Variants in ZNF724 observed in about 807,000 individuals in gnomAD.
ZNF724 encodes the protein zinc finger protein 724 pseudogene.
In ZNF724, 14 loss-of-function variants were observed where a neutral mutation model predicts 29.3. The observed-to-expected ratio is 0.48, with a 90% CI of 0.32 to 0.75. The LOEUF (loss-of-function observed/expected upper bound fraction) is 0.75, where lower values mean the gene tolerates loss of function less well. Ranked by LOEUF, ZNF724 falls within the 30% of genes least tolerant of loss-of-function variation. The pLI is 0.04. For missense variants in ZNF724, 557 were observed against 571.2 expected, an observed-to-expected ratio of 0.98 and a Z score of 0.25; for synonymous variants, 180 against 193.6, an observed-to-expected ratio of 0.93 and a Z score of 0.58.
intron 1 of ZNF724, 25 bp downstream of exon 1, chr19:23,250,215 C>T (rs752319425): frequency 2.6e-5 from 16 of 622,816 alleles, no homozygotes; most frequent in Non-Finnish European, 4.8e-5. Flanking sequence ...CCTCTCTCTC[C>T]GGATGTCGGA....
chr19:23,222,422 T>C lies in ZNF724; in HGVS notation c.1823A>G (p.His608Arg). 8.2e-7 allele frequency: 1 copy of C among 1,220,274 alleles called. No homozygotes were observed. The highest frequency in any genetic ancestry group is 1.2e-5 in the South Asian group (1 of 82,454). The allele number at this position is 1,220,274 out of a possible 1,614,324, so 75.6% of individuals were successfully genotyped here. Residue 608 changes from histidine to arginine, a missense_variant, in exon 4 of 4, where the codon CAC becomes CGC. His to Arg is a conservative substitution (Grantham distance 29, BLOSUM62 0). Transcript: ENST00000418100. The part of the protein sequence containing the change: ...AFNQCSNLTT[H>R]KKIHAVEKSD... ...TTTTTCTACAGCATGAATTTTCTTG[T>C]GTGTAGTAAGGTTTGAGCATTGGTT...
chr19:23,230,496 T>TA (rs35053744), intron 3 of ZNF724, among the ~76,000 whole-genome samples: 129,434 of 152,056 alleles, frequency 0.85, 55,137 homozygotes, highest in South Asian at 0.93. Context: ...AAGACTATAG[T>TA]ATAAAAACAG....
intron 1 of ZNF724, among the ~76,000 whole-genome samples, chr19:23,242,347 G>A (rs1180230593): frequency 6.6e-6 from 1 of 152,076 alleles, no homozygotes; most frequent in Non-Finnish European, 1.5e-5. Flanking sequence ...GGGAGGCTGA[G>A]GCAGGCAGAT....
At chr19:23,233,355 A>G (rs1316296792) in intron 1 of ZNF724, among the ~76,000 whole-genome samples, 1 of 152,238 alleles carries the variant, frequency 6.6e-6, no homozygotes, top group African/African-American at 2.4e-5. Context: ...TTTCTGAGTA[A>G]TAAATGCCAT....
intron 3 of ZNF724, among the ~76,000 whole-genome samples, chr19:23,227,560 A>AAAAAAACAC (rs1555724211): frequency 1.8e-5 from 2 of 111,098 alleles, no homozygotes; most frequent in Non-Finnish European, 4.2e-5. Context: ...CATCTCAAAA[A>AAAAAAACAC]AAAAAAAAAA....
At chr19:23,235,562 C>T (rs34870613) in intron 1 of ZNF724, among the ~76,000 whole-genome samples, 18,158 of 152,146 alleles carry the variant, frequency 0.12, 1,240 homozygotes, top group South Asian at 0.18. Context: ...ATTGTGAGCA[C>T]CAGCTCTAAA....
chr19:23,224,821 G>C (rs1971796253), intron 3 of ZNF724, among the ~76,000 whole-genome samples: 1 of 151,880 alleles, frequency 6.6e-6, no homozygotes, highest in Admixed American at 6.6e-5. Flanking sequence ...CAGGTGTGGT[G>C]GTGGGCACCT....
At chr19:23,238,869 T>G (rs890842475) in intron 1 of ZNF724, among the ~76,000 whole-genome samples, 3 of 152,198 alleles carry the variant, frequency 2.0e-5, no homozygotes, top group Non-Finnish European at 4.4e-5. Context: ...ATCGTGCCAC[T>G]GCACTCCAGC....
intron 3 of ZNF724, 50 bp from the exon 4 acceptor site, chr19:23,224,068 A>G (rs75753298): frequency 1.0e-3 from 633 of 606,832 alleles, no homozygotes; most frequent in Non-Finnish European, 1.7e-3. Flanking sequence ...ACTCAGATAC[A>G]TATTCTTTAC....
chr19:23,224,019 C>T lies in ZNF724; in HGVS notation c.227-1G>A, dbSNP rs1331320105. 1.4e-5 allele frequency: 9 copies of T among 640,524 alleles called. No homozygotes were observed. The highest frequency in any genetic ancestry group is 2.2e-5 in the Non-Finnish European group (8 of 358,298). The allele number at this position is 640,524 out of a possible 1,614,324, so 39.7% of individuals were successfully genotyped here. ...TCTTGGGCAAAATAACAACACATAC[C>T]TGAAAGAAATAAAAATAACAACTTA... is the stretch of plus-strand genomic sequence containing the variant. On this transcript the variant is annotated splice_acceptor_variant, in intron 3 of 3. Transcript: ENST00000418100. LOFTEE classifies it high-confidence loss of function.
At chr19:23,234,474 G>A (rs879176902) in intron 1 of ZNF724, among the ~76,000 whole-genome samples, 6 of 150,508 alleles carry the variant, frequency 4.0e-5, no homozygotes, top group African/African-American at 7.3e-5. Context: ...TTTTTTAGAC[G>A]GTGTTTTGCT....
At chr19:23,237,013 C>T (rs1018453762) in intron 1 of ZNF724, among the ~76,000 whole-genome samples, 1 of 151,966 alleles carries the variant, frequency 6.6e-6, no homozygotes, top group African/African-American at 2.4e-5. Flanking sequence ...CCACCACCCC[C>T]CGCTAATTTT....
At chr19:23,240,081 G>A (rs1972092345) in intron 1 of ZNF724, among the ~76,000 whole-genome samples, 1 of 152,084 alleles carries the variant, frequency 6.6e-6, no homozygotes, top group Non-Finnish European at 1.5e-5. Flanking sequence ...GAAGGCCAAG[G>A]AAGGTGGATC....
chr19:23,246,550 G>A (rs1972239151), intron 1 of ZNF724, among the ~76,000 whole-genome samples: 2 of 151,982 alleles, frequency 1.3e-5, no homozygotes, highest in Non-Finnish European at 2.9e-5. Flanking sequence ...AGGTACGCTG[G>A]AGGCTGAGAG....
At chr19:23,242,416 A>G (rs1421024624) in intron 1 of ZNF724, among the ~76,000 whole-genome samples, 2 of 151,786 alleles carry the variant, frequency 1.3e-5, no homozygotes, top group Non-Finnish European at 1.5e-5. Context: ...CAATTTCTAC[A>G]AAAAAAATAC....
At chr19:23,234,156 G>C (rs544351369) in intron 1 of ZNF724, among the ~76,000 whole-genome samples, 22 of 152,280 alleles carry the variant, frequency 1.4e-4, no homozygotes, top group Admixed American at 1.4e-3. Context: ...CCATCCTTCA[G>C]TGGAAAAGTA....
intron 1 of ZNF724, among the ~76,000 whole-genome samples, chr19:23,241,115 G>C (rs1972116761): frequency 6.6e-6 from 1 of 151,684 alleles, no homozygotes; most frequent in Non-Finnish European, 1.5e-5. Flanking sequence ...AGCTATTGAA[G>C]TTTACTATAG....
At chr19:23,230,042 T>A (rs1971908581) in intron 3 of ZNF724, among the ~76,000 whole-genome samples, 1 of 152,104 alleles carries the variant, frequency 6.6e-6, no homozygotes. Flanking sequence ...ACTCAGTAAA[T>A]TAGCAAAATA....
intron 1 of ZNF724, among the ~76,000 whole-genome samples, chr19:23,242,041 A>G (rs1295133919): frequency 1.3e-5 from 2 of 152,228 alleles, no homozygotes; most frequent in African/African-American, 2.4e-5. Flanking sequence ...TTCAAAATAC[A>G]AAACAAAGGT....
Sources: gnomAD v4.1 joint callset for allele counts (sites outside exome capture counted in the v4.1 genomes callset) on GRCh38, gnomAD v4.1.1 for gene constraint, MANE v1.5 for transcripts, NCBI Gene and HGNC (gene_info 2026-07-23, HGNC 2026-07-21) for gene names.